Variants in PIP5K1A observed in about 807,000 individuals in gnomAD.
PIP5K1A encodes the protein phosphatidylinositol-4-phosphate 5-kinase type 1 alpha.
In PIP5K1A, 46 loss-of-function variants were observed where a neutral mutation model predicts 72.9. The ratio of observed to expected loss-of-function variants is 0.63; its 90% CI spans 0.50 to 0.81. The LOEUF is 0.81. Among genes scored for constraint, PIP5K1A ranks in the 30% least tolerant of loss-of-function variants. PIP5K1A has a pLI of 0.00. For synonymous variants in PIP5K1A, 228 were observed against 255.1 expected (o/e 0.89, Z 1.01); for missense variants, 458 against 706.1 (o/e 0.65, Z 3.98).
chr1:151,232,155 C>T, intron 5 of PIP5K1A, 93 bp from the exon 6 acceptor site: 1 of 830,628 alleles, frequency 1.2e-6, no homozygotes. Context: ...CCCCACTCCC[C>T]CCACCATGAG....
intron 1 of PIP5K1A, among the ~76,000 whole-genome samples, chr1:151,202,454 C>A (rs1290365843): frequency 1.3e-5 from 2 of 152,154 alleles, no homozygotes; most frequent in African/African-American, 2.4e-5. Flanking sequence ...GAAACACTCT[C>A]TTCCAATCGC....
intron 1 of PIP5K1A, among the ~76,000 whole-genome samples, chr1:151,204,705 A>G (rs1685695101): frequency 6.6e-6 from 1 of 152,222 alleles, no homozygotes; most frequent in Non-Finnish European, 1.5e-5. Context: ...TACTCTCCAT[A>G]GGGATTTTGA....
intron 1 of PIP5K1A, chr1:151,223,996 G>A: frequency 1.8e-6 from 1 of 554,454 alleles, no homozygotes; most frequent in Admixed American, 3.3e-5. Flanking sequence ...ATATTTCCCA[G>A]AGAAAATATG....
rs1275639825 is a variant in PIP5K1A at position 151,248,194 on chromosome 1, G to A, written c.*329G>A. 2 of 384,938 alleles carry A rather than the reference G, an allele frequency of 5.2e-6. No individual in the cohort carries two copies. Among genetic ancestry groups the A allele is most frequent in the Non-Finnish European group, 9.5e-6 (2 of 210,418 alleles). 23.8% of individuals were successfully genotyped at this position (384,938 alleles called of 1,614,324 possible). The stretch of plus-strand genomic sequence containing the variant: ...GACCCCCATTCTTCATGCTGGAAAT[G>A]GGATTGCTGGACTTGGCAGCTTTCT... On this transcript the variant is annotated 3_prime_UTR_variant, in exon 16 of 16. Transcript: ENST00000368888.
At chr1:151,212,780 G>T (rs1316800466) in intron 1 of PIP5K1A, among the ~76,000 whole-genome samples, 5 of 150,364 alleles carry the variant, frequency 3.3e-5, no homozygotes, top group Non-Finnish European at 7.4e-5. Context: ...TTACCATGTT[G>T]GCCAGGATGG....
At chr1:151,238,702 G>A (rs1053204742) in intron 10 of PIP5K1A, 3 of 231,976 alleles carry the variant, frequency 1.3e-5, no homozygotes, top group Non-Finnish European at 2.5e-5. Flanking sequence ...TGATCATCAG[G>A]GAGGAGCTGG....
rs1301740430 is a variant in PIP5K1A, at chr1:151,249,075, G to A, written c.*1210G>A. On this transcript the variant is annotated 3_prime_UTR_variant, in exon 16 of 16. Transcript: ENST00000368888. ...CTCCTCCCCGTCTACAAGAGTTGTGGTTTTCCATCTGATCCTTCCACTCTT... is the reference window on the plus strand; with the variant it reads ...CTCCTCCCCGTCTACAAGAGTTGTGATTTTCCATCTGATCCTTCCACTCTT... 6.6e-6 allele frequency: 1 copy of A among 152,182 alleles called. No individual in the cohort carries two copies. The highest frequency in any genetic ancestry group is 2.4e-5 in the African/African-American group (1 of 41,442). The allele number at this position is 152,182 out of a possible 1,614,324, so 9.4% of individuals were successfully genotyped here. A position where few individuals can be genotyped will look rare whatever the true frequency, so the allele number is the denominator to read the frequency against.
intron 4 of PIP5K1A, among the ~76,000 whole-genome samples, chr1:151,228,447 AC>A (rs1198966542): frequency 6.6e-6 from 1 of 151,898 alleles, no homozygotes; most frequent in African/African-American, 2.4e-5. Flanking sequence ...ACCGTGTCTC[AC>A]CCCCTTTTCC....
intron 1 of PIP5K1A, among the ~76,000 whole-genome samples, chr1:151,213,788 T>C (rs959253798): frequency 2.0e-5 from 3 of 152,096 alleles, no homozygotes; most frequent in Non-Finnish European, 4.4e-5. Flanking sequence ...AGTAGTGGTT[T>C]ACTGGGAAAA....
intron 3 of PIP5K1A, among the ~76,000 whole-genome samples, chr1:151,226,272 A>G (rs1689112683): frequency 6.6e-6 from 1 of 151,616 alleles, no homozygotes; most frequent in African/African-American, 2.4e-5. Context: ...TTTTTAGTAG[A>G]GACAGGGTTT....
rs749982656 is a variant in PIP5K1A at position 151,242,247 on chromosome 1, A to G, written c.1488A>G (p.Thr496=). 24 of 1,614,038 alleles carry G rather than the reference A, an allele frequency of 1.5e-5. No homozygotes were observed. The highest frequency in any genetic ancestry group is 4.0e-5 in the African/African-American group (3 of 74,902). ...SVSGEHKAQV[T]TKAEVEPGVH... ...CTGGGGAACACAAGGCACAAGTGAC[A>G]ACAAAGGCAGAAGTGGAGCCAGGTC... The change falls in exon 13 of 16, where the codon ACA becomes ACG. Residue 496 remains threonine (T), a synonymous_variant. Transcript: ENST00000368888.
At chr1:151,211,231 A>T (rs2102084124) in intron 1 of PIP5K1A, among the ~76,000 whole-genome samples, 1 of 152,374 alleles carries the variant, frequency 6.6e-6, no homozygotes, top group East Asian at 1.9e-4. Context: ...TTCCACCTGT[A>T]GTCCCAGCAC....
intron 1 of PIP5K1A, among the ~76,000 whole-genome samples, chr1:151,200,592 C>T (rs59168357): frequency 0.019 from 2,850 of 152,182 alleles, 95 homozygotes; most frequent in African/African-American, 0.065. Flanking sequence ...TTAGAATTTG[C>T]TGAATAGGGT....
At chr1:151,215,340 T>C (rs1338082963) in intron 1 of PIP5K1A, among the ~76,000 whole-genome samples, 1 of 150,174 alleles carries the variant, frequency 6.7e-6, no homozygotes, top group African/African-American at 2.4e-5. Flanking sequence ...ACCCGGCCTT[T>C]TTTTTTTTTT....
intron 4 of PIP5K1A, 129 bp from the exon 5 acceptor site, chr1:151,231,542 A>G (rs1690074063): frequency 2.6e-6 from 2 of 762,538 alleles, no homozygotes; most frequent in Non-Finnish European, 4.4e-6. Flanking sequence ...TCCCAGTTTT[A>G]TCTGAACTAT....
upstream of PIP5K1A, among the ~76,000 whole-genome samples, chr1:151,196,143 C>T (rs1337004788): frequency 1.3e-5 from 2 of 151,932 alleles, no homozygotes; most frequent in African/African-American, 2.4e-5. Context: ...GTGATCCGCC[C>T]GCCTCGGCCT....
Position 151,227,037 on chromosome 1 carries a change from A to G in PIP5K1A, c.157-283A>G, listed in dbSNP as rs894132157. ...AGCGAGACTCTGTTTCAAAAAAATA[A>G]AGAGTAAAAATACTCACTTTTATTT... is the stretch of plus-strand genomic sequence containing the variant. On this transcript the variant is annotated intron_variant, in intron 3 of 15. Coordinates refer to ENST00000368888, the MANE Select transcript of PIP5K1A (RefSeq NM_001135638.2). Among the ~76,000 whole-genome samples, 4 of 152,184 alleles carry G rather than the reference A, an allele frequency of 2.6e-5. No homozygotes were observed. The South Asian group carries it at 8.3e-4, about 31-fold the overall frequency.
At chr1:151,218,731 G>C (rs1687974814) in intron 1 of PIP5K1A, among the ~76,000 whole-genome samples, 1 of 151,608 alleles carries the variant, frequency 6.6e-6, no homozygotes, top group Admixed American at 6.6e-5. Flanking sequence ...CTGCTTGAAG[G>C]CTGAGGCAGG....
intron 1 of PIP5K1A, among the ~76,000 whole-genome samples, chr1:151,207,011 A>T (rs587632652): frequency 2.0e-5 from 3 of 152,212 alleles, no homozygotes; most frequent in African/African-American, 7.2e-5. Context: ...CTGGGATTAC[A>T]GGTACACACC....
Sources: gnomAD v4.1 joint callset for allele counts (sites outside exome capture counted in the v4.1 genomes callset) on GRCh38, gnomAD v4.1.1 for gene constraint, MANE v1.5 for transcripts, NCBI Gene and HGNC (gene_info 2026-07-23, HGNC 2026-07-21) for gene names.